GPC3: variants seen among roughly 807,000 people sequenced by gnomAD.
GPC3 encodes glypican 3.
Under a neutral mutation model 34.4 loss-of-function variants are expected in GPC3, and 3 were observed. That is an observed-to-expected ratio of 0.09 (90% CI 0.04 to 0.23). The LOEUF is 0.23. Ranked by LOEUF, GPC3 falls within the 10% of genes least tolerant of loss-of-function variation. The probability of loss-of-function intolerance (pLI) is 1.00; values close to 1 mark genes in which losing one functional copy is unlikely to be tolerated. For synonymous variants in GPC3, 177 were observed against 174.0 expected, an observed-to-expected ratio of 1.02 and a Z score of -0.13; for missense variants, 351 against 445.6, an observed-to-expected ratio of 0.79 and a Z score of 1.91.
intron 2 of GPC3, among the ~76,000 whole-genome samples, chrX:133,831,332 T>C (rs779533026): frequency 1.2e-4 from 13 of 112,519 alleles, no homozygotes; most frequent in Non-Finnish European, 2.4e-4. Context: ...TTGTGAGATA[T>C]TATCACTGGG....
chrX:133,958,368 C>T (rs1276595098), intron 1 of GPC3, among the ~76,000 whole-genome samples: 2 of 109,105 alleles, frequency 1.8e-5, no homozygotes, highest in African/African-American at 6.7e-5. Context: ...TAGTGAGACC[C>T]CGTCTCTATA....
At chrX:133,771,075 T>A (rs1437861966) in intron 2 of GPC3, among the ~76,000 whole-genome samples, 1 of 111,263 alleles carries the variant, frequency 9.0e-6, no homozygotes, top group Non-Finnish European at 1.9e-5. Context: ...CCTGCCCCAT[T>A]TATGTCTGCT....
chrX:133,899,952 G>A (rs6638138), intron 2 of GPC3, among the ~76,000 whole-genome samples: 35,319 of 109,490 alleles, frequency 0.32, 4,343 homozygotes, highest in Middle Eastern at 0.41. Flanking sequence ...ACAGGCGCCC[G>A]CCACCACGCC....
At chrX:133,954,275 A>T (rs1333857279) in intron 1 of GPC3, among the ~76,000 whole-genome samples, 7 of 112,299 alleles carry the variant, frequency 6.2e-5, no homozygotes, top group Non-Finnish European at 1.1e-4. Context: ...ACGGGTGTAT[A>T]TGCATGTCAA....
At chrX:133,584,247 A>G (rs1603175447) in intron 7 of GPC3, among the ~76,000 whole-genome samples, 1 of 112,373 alleles carries the variant, frequency 8.9e-6, no homozygotes, top group East Asian at 2.8e-4. Context: ...TATTTACTAA[A>G]TACGTACTGA....
chrX:133,802,994 C>T (rs1248018429), intron 2 of GPC3, among the ~76,000 whole-genome samples: 1 of 93,788 alleles, frequency 1.1e-5, no homozygotes. Flanking sequence ...GATCTCGGCT[C>T]ACTGCAACCT....
chrX:133,655,502 ACACC>A (rs1387600187), intron 6 of GPC3, among the ~76,000 whole-genome samples: 48 of 105,668 alleles, frequency 4.5e-4, no homozygotes, highest in African/African-American at 1.7e-3. Context: ...ACACACACAC[ACACC>A]CACACACACA....
At chrX:133,934,879 A>C (rs912583526) in intron 2 of GPC3, among the ~76,000 whole-genome samples, 1 of 110,783 alleles carries the variant, frequency 9.0e-6, no homozygotes, top group Non-Finnish European at 1.9e-5. Flanking sequence ...AGAATGACCT[A>C]ATACAGCCTC....
chrX:133,623,957 G>A (rs906546403), intron 6 of GPC3, among the ~76,000 whole-genome samples: 1 of 111,873 alleles, frequency 8.9e-6, no homozygotes. Context: ...TTAACAAACT[G>A]TCTCTCAGAC....
At chrX:133,538,886 ATT>A (rs35105127) in intron 7 of GPC3, among the ~76,000 whole-genome samples, 39 of 83,672 alleles carry the variant, frequency 4.7e-4, no homozygotes, top group Middle Eastern at 6.5e-3. Flanking sequence ...TATTATTTGT[ATT>A]TTTTTTTTTT....
chrX:133,555,897 C>T (rs992755157), intron 7 of GPC3, among the ~76,000 whole-genome samples: 6 of 111,412 alleles, frequency 5.4e-5, no homozygotes, highest in African/African-American at 1.6e-4. Context: ...TATTTCTATT[C>T]CCTTAACTGC....
At chrX:133,788,725 CT>C (rs1429815749) in intron 2 of GPC3, among the ~76,000 whole-genome samples, 1 of 100,022 alleles carries the variant, frequency 1.0e-5, no homozygotes, top group Non-Finnish European at 2.0e-5. Flanking sequence ...TTCCTCCCCC[CT>C]CCTCCTCCTA....
intron 2 of GPC3, 124 bp downstream of exon 2, chrX:133,952,926 G>A (rs1321517763): frequency 1.6e-6 from 1 of 628,307 alleles, no homozygotes. Flanking sequence ...CTCACTGGGA[G>A]GTTTTTAATA....
chrX:133,618,952 G>A (rs1383813373), intron 6 of GPC3, among the ~76,000 whole-genome samples: 1 of 110,986 alleles, frequency 9.0e-6, no homozygotes, highest in East Asian at 2.8e-4. Context: ...GAAGAGTCTT[G>A]TATCCAGAAT....
intron 7 of GPC3, among the ~76,000 whole-genome samples, chrX:133,580,582 A>G (rs1043747190): frequency 1.8e-5 from 2 of 112,030 alleles, no homozygotes; most frequent in African/African-American, 3.2e-5. Flanking sequence ...GAAAGGTGCT[A>G]TCTCTGCATG....
At chrX:133,689,616 A>T (rs1318614398) in intron 5 of GPC3, among the ~76,000 whole-genome samples, 2 of 112,541 alleles carry the variant, frequency 1.8e-5, no homozygotes, top group Non-Finnish European at 3.8e-5. Flanking sequence ...AGATAAATCC[A>T]GCAGGGTTAT....
intron 5 of GPC3, among the ~76,000 whole-genome samples, chrX:133,686,431 T>C (rs776992311): frequency 1.8e-5 from 2 of 112,088 alleles, no homozygotes; most frequent in Admixed American, 9.5e-5. Context: ...GTTATATACC[T>C]ACAATGAAAT....
intron 6 of GPC3, among the ~76,000 whole-genome samples, chrX:133,614,035 G>T (rs749229236): frequency 9.0e-6 from 1 of 111,052 alleles, no homozygotes; most frequent in Non-Finnish European, 1.9e-5. Context: ...CAGGGAATAT[G>T]AAGCTTCATC....
At chrX:133,719,465 T>C (rs2071341296) in intron 3 of GPC3, among the ~76,000 whole-genome samples, 1 of 111,409 alleles carries the variant, frequency 9.0e-6, no homozygotes, top group Non-Finnish European at 1.9e-5. Flanking sequence ...TATTTTTTCA[T>C]GTGTTTTTTG....
Sources: gnomAD v4.1 joint callset for allele counts (sites outside exome capture counted in the v4.1 genomes callset) on GRCh38, gnomAD v4.1.1 for gene constraint, MANE v1.5 for transcripts, NCBI Gene and HGNC (gene_info 2026-07-23, HGNC 2026-07-21) for gene names.